Variants in APBB2 observed in about 807,000 individuals in gnomAD.
The protein encoded by APBB2 is Fe65-like 1.
APBB2 carries 38 observed loss-of-function variants against 82.5 expected under a neutral mutation model. The observed-to-expected ratio is 0.46, with a 90% CI of 0.36 to 0.60. The LOEUF is 0.60. Ranked by LOEUF, APBB2 falls within the 20% of genes least tolerant of loss-of-function variation. The pLI, the probability that APBB2 is intolerant of heterozygous loss-of-function variation, is 0.00. For missense variants in APBB2, 772 were observed against 972.3 expected, an observed-to-expected ratio of 0.79 and a Z score of 2.74; for synonymous variants, 341 against 368.2, an observed-to-expected ratio of 0.93 and a Z score of 0.85.
intron 3 of APBB2, among the ~76,000 whole-genome samples, chr4:41,082,077 G>A (rs1737833955): frequency 6.6e-6 from 1 of 152,130 alleles, no homozygotes; most frequent in African/African-American, 2.4e-5. Context: ...CGGAACTCTA[G>A]ACAAACATTG....
chr4:40,994,203 C>T lies in APBB2; in HGVS notation c.835+19380G>A, dbSNP rs948640229. On this transcript the variant is annotated intron_variant, in intron 6 of 17. Coordinates refer to ENST00000508593, the MANE Select transcript of APBB2 (RefSeq NM_004307.2). ...TCGGGAGGCTGAGGAAGGAGAATGG[C>T]GTGAACCTGGGAGGTGGAGCTTGCA... is the stretch of plus-strand genomic sequence containing the variant. Among the ~76,000 whole-genome samples the T allele has an allele frequency of 2.6e-5, 4 of 151,412 alleles. 1 individual carries two copies. Among genetic ancestry groups the T allele is most frequent in the Admixed American group, 2.6e-4 (4 of 15,178 alleles).
At chr4:41,092,265 C>G (rs1244543022) in intron 3 of APBB2, among the ~76,000 whole-genome samples, 1 of 152,152 alleles carries the variant, frequency 6.6e-6, no homozygotes, top group African/African-American at 2.4e-5. Context: ...ATTTGCTTTA[C>G]CAAAGTATCA....
chr4:40,929,230 A>G (rs1466172946), intron 10 of APBB2, among the ~76,000 whole-genome samples: 2 of 152,114 alleles, frequency 1.3e-5, no homozygotes, highest in Non-Finnish European at 2.9e-5. Context: ...AAATAAGAGG[A>G]AAAAACAGCC....
At chr4:41,057,032 T>C (rs762605463) in intron 4 of APBB2, among the ~76,000 whole-genome samples, 8 of 152,122 alleles carry the variant, frequency 5.3e-5, no homozygotes, top group Non-Finnish European at 7.4e-5. Flanking sequence ...TTCCCAAAAA[T>C]TGGACACTCC....
intron 2 of APBB2, among the ~76,000 whole-genome samples, chr4:41,111,078 G>A (rs990628356): frequency 1.3e-5 from 2 of 152,122 alleles, no homozygotes; most frequent in African/African-American, 2.4e-5. Flanking sequence ...TAGATCCCTC[G>A]CATGCACAAG....
At chr4:40,918,755 C>A (rs1263363853) in intron 10 of APBB2, among the ~76,000 whole-genome samples, 1 of 107,596 alleles carries the variant, frequency 9.3e-6, no homozygotes, top group Non-Finnish European at 1.8e-5. Flanking sequence ...CTTATTTTTT[C>A]TCTGTTTTTT....
At chr4:41,133,163 T>G (rs1472321009) in intron 2 of APBB2, among the ~76,000 whole-genome samples, 4 of 152,214 alleles carry the variant, frequency 2.6e-5, no homozygotes, top group Non-Finnish European at 5.9e-5. Flanking sequence ...TGTATATATA[T>G]CTTATAAATC....
intron 17 of APBB2, among the ~76,000 whole-genome samples, chr4:40,820,743 C>A (rs1747578589): frequency 6.6e-6 from 1 of 152,122 alleles, no homozygotes; most frequent in African/African-American, 2.4e-5. Context: ...GAAAATCAGG[C>A]CCCCACACGC....
chr4:41,108,418 CAGTT>C (rs1257664464), intron 2 of APBB2, among the ~76,000 whole-genome samples: 1 of 151,614 alleles, frequency 6.6e-6, no homozygotes, highest in Non-Finnish European at 1.5e-5. Flanking sequence ...TAATGGTTCT[CAGTT>C]GGGAGGAAGA....
At chr4:41,112,209 A>G (rs1471171311) in intron 2 of APBB2, among the ~76,000 whole-genome samples, 3 of 152,232 alleles carry the variant, frequency 2.0e-5, no homozygotes, top group African/African-American at 7.2e-5. Flanking sequence ...TAGAGGGCAC[A>G]TATTTGCAAG....
chr4:40,907,375 A>ATTTTTTT (rs1316757649), intron 10 of APBB2, among the ~76,000 whole-genome samples: 1 of 32,514 alleles, frequency 3.1e-5, no homozygotes, highest in African/African-American at 1.6e-4. Flanking sequence ...ATATATATAT[A>ATTTTTTT]TATATTTTTT....
At chr4:41,108,286 T>C (rs77653070) in intron 2 of APBB2, among the ~76,000 whole-genome samples, 1 of 152,242 alleles carries the variant, frequency 6.6e-6, no homozygotes, top group East Asian at 1.9e-4. Flanking sequence ...AAAGAGATCA[T>C]AAAGGAGCTA....
At chr4:40,945,203 T>C (rs1342035373) in intron 6 of APBB2, 130 bp from the exon 7 acceptor site, 7 of 691,368 alleles carry the variant, frequency 1.0e-5, no homozygotes, top group Admixed American at 4.4e-5. Context: ...TCCTGGTATG[T>C]TTGTGAAATC....
chr4:41,197,532 T>A, intron 1 of APBB2, among the ~76,000 whole-genome samples: 25 of 152,142 alleles, frequency 1.6e-4, no homozygotes, highest in Non-Finnish European at 8.8e-5. Context: ...TGACTCAAGG[T>A]CATACAACAG....
intron 6 of APBB2, among the ~76,000 whole-genome samples, chr4:40,954,779 T>C (rs1402633542): frequency 6.6e-6 from 1 of 152,232 alleles, no homozygotes. Flanking sequence ...TTCTCCTGCC[T>C]CAGCCTCCCA....
intron 4 of APBB2, among the ~76,000 whole-genome samples, chr4:41,034,926 G>C (rs1254910575): frequency 1.3e-5 from 2 of 152,168 alleles, no homozygotes; most frequent in Non-Finnish European, 2.9e-5. Context: ...GTTATATTAA[G>C]TCAAATACAG....
intron 5 of APBB2, among the ~76,000 whole-genome samples, chr4:41,021,690 A>T (rs1175159657): frequency 1.3e-5 from 2 of 152,284 alleles, no homozygotes; most frequent in East Asian, 3.9e-4. Context: ...ATAAGGGAAT[A>T]AAAGCTGGCC....
chr4:41,134,067 C>T (rs1245919920), intron 2 of APBB2, among the ~76,000 whole-genome samples: 1 of 152,134 alleles, frequency 6.6e-6, no homozygotes, highest in Non-Finnish European at 1.5e-5. Flanking sequence ...ACCTCCTGGG[C>T]TCAAGTGGTC....
intron 12 of APBB2, among the ~76,000 whole-genome samples, chr4:40,843,428 C>T (rs1387700989): frequency 1.2e-4 from 12 of 99,536 alleles, no homozygotes; most frequent in Non-Finnish European, 2.5e-4. Flanking sequence ...GGAGCAAAAA[C>T]AAAGCCAAGC....
Sources: allele counts gnomAD v4.1 joint callset (sites outside exome capture counted in the v4.1 genomes callset), GRCh38; gene constraint gnomAD v4.1.1; transcripts MANE v1.5; gene names NCBI Gene and HGNC (gene_info 2026-07-23, HGNC 2026-07-21).